Variants in ARNT2 observed in about 807,000 individuals in gnomAD.
ARNT2 encodes the protein aryl hydrocarbon receptor nuclear translocator 2, also known as ARNT protein 2.
A neutral mutation model predicts 91.7 loss-of-function variants in ARNT2; 36 were observed. The ratio of observed to expected loss-of-function variants is 0.39; its 90% CI spans 0.30 to 0.52. The LOEUF (loss-of-function observed/expected upper bound fraction) is 0.52, where lower values mean the gene tolerates loss of function less well. Among genes scored for constraint, ARNT2 ranks in the 20% least tolerant of loss-of-function variants. The pLI is 0.72. For synonymous variants in ARNT2, 365 were observed against 347.1 expected (o/e 1.05, Z -0.57); for missense variants, 775 against 939.3 (o/e 0.83, Z 2.29).
chr15:80,553,438 A>G lies in ARNT2; in HGVS notation c.1089+664A>G, dbSNP rs75690072. ...AATAATTATTGATTTTCTTAGGTTTAGTATAGCACATGATAGCACATTGTC... is the reference window on the plus strand; with the variant it reads ...AATAATTATTGATTTTCTTAGGTTTGGTATAGCACATGATAGCACATTGTC... On this transcript the variant is annotated intron_variant, in intron 10 of 18. Coordinates refer to ENST00000303329, the MANE Select transcript of ARNT2 (RefSeq NM_014862.4). Among the ~76,000 whole-genome samples, 541 of 152,346 alleles carry G rather than the reference A, an allele frequency of 3.6e-3. 3 individuals carry two copies. Among genetic ancestry groups the G allele is most frequent in the Non-Finnish European group, 6.4e-3 (437 of 68,020 alleles).
intron 13 of ARNT2, 62 bp from the exon 14 acceptor site, chr15:80,574,925 G>C: frequency 6.4e-7 from 1 of 1,562,622 alleles, no homozygotes; most frequent in South Asian, 1.2e-5. Flanking sequence ...GTGGCTCCTG[G>C]GGACGCATGT....
intron 11 of ARNT2, among the ~76,000 whole-genome samples, chr15:80,557,480 G>A (rs1898212863): frequency 1.3e-5 from 2 of 152,166 alleles, no homozygotes; most frequent in African/African-American, 4.8e-5. Flanking sequence ...GGAGGGAGAG[G>A]AGCAGAAAAT....
chr15:80,427,401 G>A (rs549473991), intron 1 of ARNT2, among the ~76,000 whole-genome samples: 9 of 152,262 alleles, frequency 5.9e-5, no homozygotes, highest in South Asian at 2.1e-4. Context: ...CATGAGGGCC[G>A]TTCTTGGTAT....
rs1449980184 is a variant in ARNT2, at chr15:80,595,392, C to T, written c.*1694C>T. 3 of 152,254 alleles carry T rather than the reference C, an allele frequency of 2.0e-5. No individual in the cohort carries two copies. Among genetic ancestry groups the T allele is most frequent in the Non-Finnish European group, 4.4e-5 (3 of 68,080 alleles). 9.4% of individuals were successfully genotyped at this position (152,254 alleles called of 1,614,324 possible). On this transcript the variant is annotated 3_prime_UTR_variant, in exon 19 of 19. Transcript: ENST00000303329. ...TCCCTGCCCATGGATTCTGCAGGACCTAGAAGAGTGGCATTGGTTCTAGGA... is the reference window on the plus strand; with the variant it reads ...TCCCTGCCCATGGATTCTGCAGGACTTAGAAGAGTGGCATTGGTTCTAGGA...
intron 13 of ARNT2, 109 bp downstream of exon 13, chr15:80,574,329 C>A (rs965390321): frequency 2.9e-6 from 3 of 1,048,362 alleles, no homozygotes; most frequent in African/African-American, 1.6e-5. Flanking sequence ...ATTGCCCCAT[C>A]CCCCCACTAC....
intron 1 of ARNT2, among the ~76,000 whole-genome samples, chr15:80,408,887 G>T (rs928476591): frequency 6.6e-6 from 1 of 152,086 alleles, no homozygotes; most frequent in African/African-American, 2.4e-5. Flanking sequence ...ATTAATTAAT[G>T]AATTTTAAAA....
chr15:80,559,767 C>G (rs1376817085), intron 11 of ARNT2, among the ~76,000 whole-genome samples: 1 of 152,218 alleles, frequency 6.6e-6, no homozygotes, highest in African/African-American at 2.4e-5. Flanking sequence ...CTCCTCTCCA[C>G]TCAGGCACCT....
chr15:80,456,454 T>A (rs1264384404), intron 2 of ARNT2, among the ~76,000 whole-genome samples: 1 of 152,132 alleles, frequency 6.6e-6, no homozygotes, highest in Admixed American at 6.5e-5. Context: ...TCCCGTCAGG[T>A]CATTCCAAAC....
intron 1 of ARNT2, among the ~76,000 whole-genome samples, chr15:80,415,808 C>A (rs1244390188): frequency 6.6e-6 from 1 of 152,154 alleles, no homozygotes; most frequent in Non-Finnish European, 1.5e-5. Context: ...TATCATATCC[C>A]CAGCTAGAAA....
chr15:80,580,124 A>G, intron 15 of ARNT2: 3 of 367,620 alleles, frequency 8.2e-6, no homozygotes, highest in Non-Finnish European at 1.5e-5. Context: ...CAGGCATAGG[A>G]TAGGGGCTGA....
intron 9 of ARNT2, among the ~76,000 whole-genome samples, chr15:80,551,741 CCTT>C (rs1375260756): frequency 2.0e-5 from 3 of 152,068 alleles, no homozygotes; most frequent in Non-Finnish European, 4.4e-5. Flanking sequence ...TCCTTGTTCT[CCTT>C]CTTCTCCTTT....
chr15:80,559,842 C>T (rs909080007), intron 11 of ARNT2, among the ~76,000 whole-genome samples: 6 of 152,332 alleles, frequency 3.9e-5, no homozygotes, highest in South Asian at 4.1e-4. Flanking sequence ...CCGGGTTTTA[C>T]GCTTGGCCTT....
At chr15:80,410,760 CTAT>C (rs1162239157) in intron 1 of ARNT2, among the ~76,000 whole-genome samples, 2 of 712 alleles carry the variant, frequency 2.8e-3, no homozygotes, top group East Asian at 0.042. Context: ...TCATTTTTAT[CTAT>C]CTATCTATCT....
rs571855678 is a variant in ARNT2 at position 80,563,294 on chromosome 15, A to G, written c.1316+55A>G. ...AATCCACATGCGCTTGCTTGGGTCC[A>G]GAGCTGGCAATTTTATTTGGAGTTC... On this transcript the variant is annotated intron_variant, in intron 12 of 18. Coordinates refer to ENST00000303329, the MANE Select transcript of ARNT2 (RefSeq NM_014862.4). The G allele has an allele frequency of 1.2e-5, 19 of 1,600,476 alleles. No homozygotes were observed. The African/African-American group carries it at 2.0e-4, about 17-fold the overall frequency.
Position 80,552,650 on chromosome 15 carries a change from C to A in ARNT2, c.965C>A (p.Ser322Tyr). The change falls in exon 10 of 19, where the codon TCT becomes TAT. Residue 322 changes from serine (S) to tyrosine (Y), a missense_variant. By Grantham distance (144) the Ser-to-Tyr change is moderately radical (BLOSUM62 -2). This residue lies in a region of ARNT2 where 285 missense variants were observed against 327.2 expected (regional missense o/e 0.87). Transcript: ENST00000303329. ...VAIGRLQVTS[S>Y]PVCMDMNGMS... ...TTTTCCCCATCCCAGGTGACCAGCT[C>A]TCCTGTATGCATGGACATGAATGGG... 4 of 1,614,098 alleles carry A rather than the reference C, an allele frequency of 2.5e-6. No individual in the cohort carries two copies. The Middle Eastern group carries it at 6.6e-4, about 266-fold the overall frequency.
chr15:80,479,577 T>C (rs1896855974), intron 5 of ARNT2, among the ~76,000 whole-genome samples: 1 of 152,184 alleles, frequency 6.6e-6, no homozygotes, highest in Non-Finnish European at 1.5e-5. Flanking sequence ...CTCATTCCCC[T>C]CATCTTGACC....
At chr15:80,513,721 C>A (rs200699304) in intron 6 of ARNT2, among the ~76,000 whole-genome samples, 190 bp from the exon 7 acceptor site, 1,777 of 99,646 alleles carry the variant, frequency 0.018, no homozygotes, top group South Asian at 0.03. Flanking sequence ...TCTTCAGTCA[C>A]AAAAAAAAAA....
chr15:80,582,105 C>T (rs1433414290), intron 17 of ARNT2, among the ~76,000 whole-genome samples: 1 of 152,196 alleles, frequency 6.6e-6, no homozygotes. Context: ...GAATTGATTC[C>T]TCAGATGAGC....
At position 80,596,292 on chromosome 15, in the gene ARNT2, T is replaced by A. The variant is rs1893374022; in HGVS notation, c.*2594T>A. 6.6e-6 allele frequency: 1 copy of A among 152,144 alleles called. No individual in the cohort carries two copies. Among genetic ancestry groups the A allele is most frequent in the Non-Finnish European group, 1.5e-5 (1 of 68,032 alleles). 9.4% of individuals were successfully genotyped at this position (152,144 alleles called of 1,614,324 possible). On this transcript the variant is annotated 3_prime_UTR_variant, in exon 19 of 19. Transcript: ENST00000303329. ...TATGACTAAATAGGCCCAGCCTCCT[T>A]CCCTTCCAGCTCTGTCCTAGGAGCA...
Sources: allele counts gnomAD v4.1 joint callset (sites outside exome capture counted in the v4.1 genomes callset), GRCh38; gene constraint gnomAD v4.1.1; regional missense constraint gnomAD v4.1.1; transcripts MANE v1.5; gene names NCBI Gene and HGNC (gene_info 2026-07-23, HGNC 2026-07-21).